The following EEIG2 variants were observed in gnomAD, a reference collection of about 807,000 sequenced individuals.
EEIG2 encodes the protein EEIG family member 2.
At chr1:108,635,042 G>T in the EEIG2 span, 1 of 1,552,976 alleles carries the variant, frequency 6.4e-7, no homozygotes, top group East Asian at 2.2e-5. Context: ...CAGGGGTAAG[G>T]TTACTTGGAA....
At chr1:108,629,844 C>A in the EEIG2 span, 1 of 640,500 alleles carries the variant, frequency 1.6e-6, no homozygotes, top group South Asian at 1.7e-5. Context: ...GTATGTTTGA[C>A]ATTATATTTT....
the EEIG2 span, chr1:108,629,844 CAT>C: frequency 1.6e-6 from 1 of 640,500 alleles, no homozygotes; most frequent in South Asian, 1.7e-5. Context: ...GTATGTTTGA[CAT>C]TATATTTTAT....
chr1:108,629,474 A>G, the EEIG2 span: 1 of 725,028 alleles, frequency 1.4e-6, no homozygotes. Flanking sequence ...TTGGTTTTTA[A>G]GTTGTTTATT....
At chr1:108,606,341 A>G in the EEIG2 span, 2 of 871,356 alleles carry the variant, frequency 2.3e-6, no homozygotes, top group Non-Finnish European at 3.4e-6. Context: ...TTACTCTTCT[A>G]ATATCTGTTC....
the EEIG2 span, among the ~76,000 whole-genome samples, chr1:108,582,001 C>G: frequency 6.6e-6 from 1 of 152,100 alleles, no homozygotes; most frequent in African/African-American, 2.4e-5. Context: ...ATTGCCACAG[C>G]CACCCCAACC....
chr1:108,617,502 G>A, the EEIG2 span, among the ~76,000 whole-genome samples: 2 of 152,274 alleles, frequency 1.3e-5, no homozygotes, highest in African/African-American at 2.4e-5. Flanking sequence ...AACATCCAGC[G>A]GGGCATGTCA....
the EEIG2 span, among the ~76,000 whole-genome samples, chr1:108,587,680 T>C: frequency 6.6e-6 from 1 of 152,190 alleles, no homozygotes; most frequent in Non-Finnish European, 1.5e-5. Flanking sequence ...CCTATATCCT[T>C]GCAGGATTTT....
At chr1:108,563,222 G>T in the EEIG2 span, among the ~76,000 whole-genome samples, 1 of 152,178 alleles carries the variant, frequency 6.6e-6, no homozygotes, top group East Asian at 1.9e-4. Flanking sequence ...TAGACTGTAC[G>T]GAGTGGTTTA....
chr1:108,611,885 T>C, the EEIG2 span, among the ~76,000 whole-genome samples: 1 of 151,944 alleles, frequency 6.6e-6, no homozygotes, highest in Admixed American at 6.6e-5. Flanking sequence ...TATTTTTACT[T>C]TAACAGTAAT....
At chr1:108,578,433 G>T in the EEIG2 span, among the ~76,000 whole-genome samples, 1 of 107,790 alleles carries the variant, frequency 9.3e-6, no homozygotes, top group African/African-American at 3.8e-5. Flanking sequence ...ATTGGCTGTG[G>T]GTTTGTCATA....
chr1:108,619,405 C>A, the EEIG2 span, among the ~76,000 whole-genome samples: 1 of 152,132 alleles, frequency 6.6e-6, no homozygotes, highest in Non-Finnish European at 1.5e-5. Flanking sequence ...TACACTTGCA[C>A]ATACTGAATA....
chr1:108,596,310 T>C, the EEIG2 span, among the ~76,000 whole-genome samples: 1 of 152,116 alleles, frequency 6.6e-6, no homozygotes, highest in East Asian at 1.9e-4. Context: ...TACTAATAAT[T>C]TAGAGTCTAA....
the EEIG2 span, among the ~76,000 whole-genome samples, chr1:108,562,925 G>A: frequency 6.6e-6 from 1 of 152,100 alleles, no homozygotes; most frequent in African/African-American, 2.4e-5. Flanking sequence ...ATTAGTGGGT[G>A]CCAGTCAAGG....
chr1:108,615,269 G>C, the EEIG2 span, among the ~76,000 whole-genome samples: 1 of 151,980 alleles, frequency 6.6e-6, no homozygotes, highest in Non-Finnish European at 1.5e-5. Flanking sequence ...CTCTCTCCTA[G>C]GAATACTGAA....
At chr1:108,633,129 C>T in the EEIG2 span, among the ~76,000 whole-genome samples, 1 of 152,206 alleles carries the variant, frequency 6.6e-6, no homozygotes, top group South Asian at 2.1e-4. Flanking sequence ...AAAGCACGGG[C>T]TGTCTTAGAC....
the EEIG2 span, chr1:108,635,814 T>G: frequency 6.6e-6 from 1 of 152,232 alleles, no homozygotes; most frequent in East Asian, 1.9e-4. Context: ...CAGTATATAT[T>G]GTTAATTGTC....
the EEIG2 span, among the ~76,000 whole-genome samples, chr1:108,622,879 T>C: frequency 6.6e-6 from 1 of 152,170 alleles, no homozygotes; most frequent in South Asian, 2.1e-4. Context: ...CTGTTTTATC[T>C]CTGGTCACCA....
At chr1:108,574,202 A>G in the EEIG2 span, among the ~76,000 whole-genome samples, 3 of 152,338 alleles carry the variant, frequency 2.0e-5, no homozygotes, top group Middle Eastern at 3.4e-3. Flanking sequence ...GGAAATGCCA[A>G]TACATGCTAC....
At chr1:108,580,751 G>T in the EEIG2 span, among the ~76,000 whole-genome samples, 2 of 152,132 alleles carry the variant, frequency 1.3e-5, no homozygotes, top group Admixed American at 1.3e-4. Flanking sequence ...AAGTGCAAAA[G>T]AAAAGTTTGA....
Sources: gnomAD v4.1 joint callset for allele counts (sites outside exome capture counted in the v4.1 genomes callset) on GRCh38, gnomAD v4.1.1 for gene constraint, MANE v1.5 for transcripts, NCBI Gene and HGNC (gene_info 2026-07-23, HGNC 2026-07-21) for gene names.